GADL1: variants seen among roughly 807,000 people sequenced by gnomAD.
GADL1 encodes acidic amino acid decarboxylase GADL1.
A neutral mutation model predicts 69.5 loss-of-function variants in GADL1; 71 were observed. The observed-to-expected ratio is 1.02, with a 90% CI of 0.84 to 1.25. GADL1 has a LOEUF of 1.25. Ranked by LOEUF, GADL1 falls within the 50% of genes most tolerant of loss-of-function variation. The probability of loss-of-function intolerance (pLI) is 0.00; values close to 1 mark genes in which losing one functional copy is unlikely to be tolerated. For missense variants in GADL1, 737 were observed against 631.8 expected (o/e 1.17, Z -1.79); for synonymous variants, 254 against 214.4 (o/e 1.18, Z -1.62).
intron 8 of GADL1, among the ~76,000 whole-genome samples, chr3:30,843,184 T>A (rs1292729204): frequency 6.6e-6 from 1 of 151,658 alleles, no homozygotes; most frequent in East Asian, 1.9e-4. Flanking sequence ...AGCGGTGGGA[T>A]GGGAGAGAAG....
At chr3:30,805,054 T>C (rs1378387217) in intron 11 of GADL1, among the ~76,000 whole-genome samples, 4 of 152,234 alleles carry the variant, frequency 2.6e-5, no homozygotes, top group Non-Finnish European at 5.9e-5. Context: ...TTTCCCTCTT[T>C]GCAATCACAA....
At chr3:30,884,333 T>A (rs557068650) in intron 1 of GADL1, among the ~76,000 whole-genome samples, 26 of 152,136 alleles carry the variant, frequency 1.7e-4, no homozygotes, top group Non-Finnish European at 3.4e-4. Flanking sequence ...AAAATTAGCA[T>A]CAGGCAAAAA....
chr3:30,759,986 G>T (rs759249261), intron 14 of GADL1, among the ~76,000 whole-genome samples: 2 of 152,204 alleles, frequency 1.3e-5, no homozygotes, highest in Non-Finnish European at 2.9e-5. Flanking sequence ...TGCCAGCCAA[G>T]TCCAGCCTAA....
chr3:30,768,496 A>AG (rs912182088), intron 14 of GADL1, among the ~76,000 whole-genome samples: 22 of 148,138 alleles, frequency 1.5e-4, no homozygotes, highest in African/African-American at 5.2e-4. Context: ...TTATCAATTG[A>AG]GGGGGAACAA....
In GADL1 at chr3:30,753,103, CTT is replaced by C. The variant is rs1393332745; in HGVS notation, c.1393-24690_1393-24689del. Among the ~76,000 whole-genome samples, 14 of 152,212 alleles carry C rather than the reference CTT, an allele frequency of 9.2e-5. No homozygotes were observed. In the East Asian group the frequency reaches 1.5e-3, roughly 17 times the overall value. ...CACTGCCAATAAATAAGTGCAGTGT[CTT>C]TTTCTTATGGGTGAGTCAGTTATTT... On this transcript the variant is annotated intron_variant, in intron 14 of 14. Coordinates refer to ENST00000282538, the MANE Select transcript of GADL1 (RefSeq NM_207359.3).
At chr3:30,887,104 C>T (rs1047241226) in intron 1 of GADL1, among the ~76,000 whole-genome samples, 1 of 152,202 alleles carries the variant, frequency 6.6e-6, no homozygotes, top group South Asian at 2.1e-4. Flanking sequence ...ACTTCAGTAA[C>T]TGGTAGAGCC....
intron 1 of GADL1, among the ~76,000 whole-genome samples, chr3:30,874,581 C>T (rs944168875): frequency 1.3e-5 from 2 of 151,914 alleles, no homozygotes; most frequent in African/African-American, 2.4e-5. Flanking sequence ...TTTGATGACA[C>T]AGAGATTGCT....
rs755844299 is a variant in GADL1, at chr3:30,728,415, C to G, written c.1393G>C (p.Val465Leu). Reference sequence around the variant, plus strand: ...ATCCTCTCCTTAATGGCTGGGGCCACCTGTGTGGGGAGAAAAGGGGAGAGG... The same window carrying G: ...ATCCTCTCCTTAATGGCTGGGGCCAGCTGTGTGGGGAGAAAAGGGGAGAGG... ...GPEFWAKLNL[V>L]APAIKERMMK... Residue 465 changes from valine to leucine, a missense_variant and splice_region_variant, in exon 15 of 15, where the codon GTG (valine) becomes CTG (leucine). Physicochemically the swap from Val to Leu is conservative, Grantham distance 32 (BLOSUM62 1). Transcript: ENST00000282538. The G allele has an allele frequency of 2.5e-6, 4 of 1,613,184 alleles. No individual in the cohort carries two copies. Among genetic ancestry groups the G allele is most frequent in the Non-Finnish European group, 3.4e-6 (4 of 1,179,470 alleles).
intron 11 of GADL1, among the ~76,000 whole-genome samples, chr3:30,817,326 T>G (rs1047696920): frequency 3.3e-5 from 5 of 152,188 alleles, no homozygotes; most frequent in Non-Finnish European, 4.4e-5. Flanking sequence ...CAATATCAGA[T>G]TCTAGAATAT....
At chr3:30,753,973 T>G (rs1242753574) in intron 14 of GADL1, among the ~76,000 whole-genome samples, 1 of 152,162 alleles carries the variant, frequency 6.6e-6, no homozygotes, top group African/African-American at 2.4e-5. Context: ...CTAAAAGCCA[T>G]GGCCACCTAC....
intron 12 of GADL1, among the ~76,000 whole-genome samples, chr3:30,796,293 A>C (rs1305784994): frequency 1.3e-5 from 2 of 152,190 alleles, no homozygotes; most frequent in Non-Finnish European, 2.9e-5. Flanking sequence ...TAAATAATTT[A>C]TGGTAGACCG....
chr3:30,772,476 T>C (rs891843264), intron 14 of GADL1, among the ~76,000 whole-genome samples: 3 of 152,216 alleles, frequency 2.0e-5, no homozygotes, highest in Non-Finnish European at 4.4e-5. Flanking sequence ...TCCCATCTTA[T>C]CTTTGCATTC....
chr3:30,764,884 A>G (rs1018241800), intron 14 of GADL1, among the ~76,000 whole-genome samples: 3 of 152,060 alleles, frequency 2.0e-5, no homozygotes, highest in Non-Finnish European at 4.4e-5. Flanking sequence ...AATTATCCCT[A>G]CCTACCCCTA....
At chr3:30,741,001 A>T (rs60136892) in intron 14 of GADL1, among the ~76,000 whole-genome samples, 3 of 89,162 alleles carry the variant, frequency 3.4e-5, no homozygotes, top group African/African-American at 2.6e-4. Flanking sequence ...TTATATATTA[A>T]TATATATTAT....
At chr3:30,876,950 C>G (rs979661017) in intron 1 of GADL1, among the ~76,000 whole-genome samples, 2 of 151,888 alleles carry the variant, frequency 1.3e-5, no homozygotes, top group African/African-American at 4.8e-5. Flanking sequence ...TACAAACTAA[C>G]TAACCACACT....
chr3:30,894,505 G>T, intron 1 of GADL1, 73 bp downstream of exon 1: 2 of 1,263,262 alleles, frequency 1.6e-6, no homozygotes, highest in South Asian at 1.4e-5. Flanking sequence ...TAGTCCCCAG[G>T]TCAAAAATAA....
At chr3:30,777,252 A>T (rs144954964) in intron 14 of GADL1, among the ~76,000 whole-genome samples, 8 of 147,908 alleles carry the variant, frequency 5.4e-5, no homozygotes, top group Admixed American at 3.4e-4. Context: ...AATTGCTTTT[A>T]AAAAAAAAAC....
chr3:30,778,354 C>G, intron 13 of GADL1, 86 bp from the exon 14 acceptor site: 1 of 835,422 alleles, frequency 1.2e-6, no homozygotes, highest in Non-Finnish European at 2.0e-6. Context: ...TAGCTAGTTT[C>G]TTCAAGAGTT....
chr3:30,889,277 G>A (rs953052794), intron 1 of GADL1, among the ~76,000 whole-genome samples: 2 of 151,998 alleles, frequency 1.3e-5, no homozygotes, highest in African/African-American at 4.8e-5. Flanking sequence ...ATGATGTGTG[G>A]ATTATGGGAA....
Sources: gnomAD v4.1 joint callset for allele counts (sites outside exome capture counted in the v4.1 genomes callset) on GRCh38, gnomAD v4.1.1 for gene constraint, MANE v1.5 for transcripts, NCBI Gene and HGNC (gene_info 2026-07-23, HGNC 2026-07-21) for gene names.